Variants in CDK8 observed in about 807,000 individuals in gnomAD.
The protein encoded by CDK8 is cyclin-dependent kinase 8.
In CDK8, 29 loss-of-function variants were observed where a neutral mutation model predicts 71.5. The ratio of observed to expected loss-of-function variants is 0.41; its 90% CI spans 0.30 to 0.55. CDK8 has a LOEUF of 0.55. CDK8 is among the 20% of genes least tolerant of loss of function. CDK8 has a pLI of 0.37. For synonymous variants in CDK8, 161 were observed against 192.1 expected, an observed-to-expected ratio of 0.84 and a Z score of 1.34; for missense variants, 288 against 572.6, an observed-to-expected ratio of 0.50 and a Z score of 5.07.
chr13:26,372,137 ACAAGT>A (rs1250760158), intron 4 of CDK8, among the ~76,000 whole-genome samples: 1 of 152,202 alleles, frequency 6.6e-6, no homozygotes, highest in Non-Finnish European at 1.5e-5. Flanking sequence ...TGACAAAGAC[ACAAGT>A]CTGCATTAAT....
At chr13:26,304,618 G>A (rs1394410202) in intron 1 of CDK8, among the ~76,000 whole-genome samples, 1 of 151,712 alleles carries the variant, frequency 6.6e-6, no homozygotes, top group Non-Finnish European at 1.5e-5. Flanking sequence ...GACTTGATAT[G>A]ACAATTATGT....
At chr13:26,339,695 T>TTTTATTTATTTA (rs370690774) in intron 2 of CDK8, among the ~76,000 whole-genome samples, 6,972 of 136,328 alleles carry the variant, frequency 0.051, 236 homozygotes, top group Non-Finnish European at 0.07. Flanking sequence ...ATACTTTCCA[T>TTTTATTTATTTA]TTTATTTATT....
In CDK8 at chr13:26,254,658, A is replaced by G. The variant is rs1871435780; in HGVS notation, c.17A>G (p.Lys6Arg). 2.5e-6 allele frequency: 4 copies of G among 1,611,074 alleles called. No individual in the cohort carries two copies. The highest frequency in any genetic ancestry group is 2.5e-6 in the Non-Finnish European group (3 of 1,178,648). MDYDF[K>R]VKLSSERERV... ...GCTGTGACAATGGACTATGACTTTA[A>G]AGTGAAGCTGAGCAGCGAGCGGGAG... Residue 6 changes from lysine (K) to arginine (R), a missense_variant, in exon 1 of 13, where the codon AAA becomes AGA. Around this residue, in one of 6 missense-constraint regions of CDK8, gnomAD observed 19 missense variants for 24.4 expected, o/e 0.78. Transcript: ENST00000381527. This position sits in a 1 kb window ranked among gnomAD's most constrained non-coding sequence, Gnocchi z 6.7.
chr13:26,310,772 C>A (rs1361510070), intron 1 of CDK8, among the ~76,000 whole-genome samples: 1 of 152,120 alleles, frequency 6.6e-6, no homozygotes, highest in African/African-American at 2.4e-5. Flanking sequence ...GGGTTGTGGA[C>A]CTCTGCTCTA....
rs554269327 is a variant in CDK8, at chr13:26,310,256, A to G, written c.129-27311A>G. ...CTCTGTGTGTGCATTTGACTACTCT[A>G]AGTACCTCATGTGAATGAAATTGTA... On this transcript the variant is annotated intron_variant, in intron 1 of 12. Transcript: ENST00000381527. Among the ~76,000 whole-genome samples the G allele has an allele frequency of 6.6e-5, 10 of 152,284 alleles. No individual in the cohort carries two copies. In the East Asian group the frequency reaches 1.4e-3, roughly 21 times the overall value.
At chr13:26,388,943 G>T (rs186840122) in intron 6 of CDK8, among the ~76,000 whole-genome samples, 1 of 152,180 alleles carries the variant, frequency 6.6e-6, no homozygotes, top group Admixed American at 6.5e-5. Context: ...TTACCCTGAA[G>T]AGATTTACAG....
chr13:26,364,193 T>C (rs935907468), intron 4 of CDK8, among the ~76,000 whole-genome samples: 1 of 152,188 alleles, frequency 6.6e-6, no homozygotes, highest in Admixed American at 6.5e-5. Flanking sequence ...AATTGCAGAT[T>C]ATAAGCCATA....
intron 9 of CDK8, among the ~76,000 whole-genome samples, chr13:26,397,462 C>T (rs12583220): frequency 6.6e-6 from 1 of 152,028 alleles, no homozygotes; most frequent in East Asian, 1.9e-4. Flanking sequence ...CTAAAGATAG[C>T]GATGGTAACA....
chr13:26,342,908 G>T (rs761146446), intron 2 of CDK8, among the ~76,000 whole-genome samples: 4 of 152,142 alleles, frequency 2.6e-5, no homozygotes, highest in Non-Finnish European at 5.9e-5. Context: ...TGTTGTCAGG[G>T]TTAGTTTCCT....
In CDK8 at chr13:26,401,219, G is replaced by A; in HGVS notation, c.1032-50G>A. ...TGAGAATCTCCTAAATGAAGCATTTGGAATATTGATTAGTATACCAGAAAT... is the reference window on the plus strand; with the variant it reads ...TGAGAATCTCCTAAATGAAGCATTTAGAATATTGATTAGTATACCAGAAAT... On this transcript the variant is annotated intron_variant, in intron 10 of 12. Coordinates refer to ENST00000381527, the MANE Select transcript of CDK8 (RefSeq NM_001260.3). The surrounding 1 kb of genome is among the most constrained non-coding windows in gnomAD (Gnocchi z 4.5). 2.3e-6 allele frequency: 3 copies of A among 1,331,612 alleles called. No individual in the cohort carries two copies. Among genetic ancestry groups the A allele is most frequent in the Non-Finnish European group, 3.2e-6 (3 of 936,454 alleles). The allele number at this position is 1,331,612 out of a possible 1,614,324, so 82.5% of individuals were successfully genotyped here. A position where few individuals can be genotyped will look rare whatever the true frequency, so the allele number is the denominator to read the frequency against.
intron 1 of CDK8, among the ~76,000 whole-genome samples, chr13:26,335,827 G>C (rs1195819944): frequency 6.6e-6 from 1 of 151,864 alleles, no homozygotes; most frequent in Non-Finnish European, 1.5e-5. Flanking sequence ...TAACTGTTCT[G>C]TCTGCCTCCT....
At chr13:26,334,501 G>A (rs985616567) in intron 1 of CDK8, among the ~76,000 whole-genome samples, 1 of 151,942 alleles carries the variant, frequency 6.6e-6, no homozygotes, top group Admixed American at 6.5e-5. Context: ...TGAATATTAA[G>A]TACAGATCCT....
At chr13:26,403,150 C>A (rs1876341223) in intron 12 of CDK8, among the ~76,000 whole-genome samples, 1 of 152,170 alleles carries the variant, frequency 6.6e-6, no homozygotes, top group African/African-American at 2.4e-5. Flanking sequence ...ATTGAGAATA[C>A]CGTCCTTCTT....
At position 26,341,026 on chromosome 13, in the gene CDK8, A is replaced by G. The variant is rs142589128; in HGVS notation, c.204+3384A>G. ...TTTTCAAACTGCACATGGGTGAATC[A>G]TCAGTATTCCACAAGGCTGCCTTAT... is the stretch of plus-strand genomic sequence containing the variant. On this transcript the variant is annotated intron_variant, in intron 2 of 12. Transcript: ENST00000381527. 6.6e-5 allele frequency among the ~76,000 whole-genome samples: 10 copies of G among 152,326 alleles called. No individual in the cohort carries two copies. The East Asian group carries it at 1.7e-3, about 26-fold the overall frequency.
At chr13:26,362,091 T>C (rs564457166) in intron 4 of CDK8, among the ~76,000 whole-genome samples, 93 of 152,188 alleles carry the variant, frequency 6.1e-4, no homozygotes, top group African/African-American at 2.1e-3. Context: ...GAAAATTAAT[T>C]GAAAGTAGAG....
chr13:26,393,631 T>G, intron 7 of CDK8, 121 bp downstream of exon 7: 1 of 958,508 alleles, frequency 1.0e-6, no homozygotes, highest in South Asian at 1.6e-5. Context: ...TCTTTGTTTT[T>G]TGACTTGCAT....
At chr13:26,272,323 A>G (rs1257370506) in intron 1 of CDK8, among the ~76,000 whole-genome samples, 1 of 152,110 alleles carries the variant, frequency 6.6e-6, no homozygotes, top group Non-Finnish European at 1.5e-5. Flanking sequence ...GAAAAAGAAA[A>G]AAAAGTTTTT....
intron 2 of CDK8, among the ~76,000 whole-genome samples, chr13:26,342,950 C>T (rs1873305080): frequency 1.3e-5 from 2 of 152,228 alleles, no homozygotes; most frequent in South Asian, 4.1e-4. Context: ...TGCAGATAGC[C>T]TCCTTCTTCC....
intron 2 of CDK8, among the ~76,000 whole-genome samples, chr13:26,339,725 T>G (rs1593274025): frequency 7.9e-6 from 1 of 126,142 alleles, no homozygotes; most frequent in Non-Finnish European, 1.7e-5. Context: ...ATTTATTTAT[T>G]TATTTTATTT....
Sources: gnomAD v4.1 joint callset for allele counts (sites outside exome capture counted in the v4.1 genomes callset) on GRCh38, gnomAD v4.1.1 for gene constraint, gnomAD v4.1.1 regional missense constraint, Gnocchi (gnomAD v3.1) non-coding constraint, MANE v1.5 for transcripts, NCBI Gene and HGNC (gene_info 2026-07-23, HGNC 2026-07-21) for gene names.